The following C4orf50 variants were observed in gnomAD, a reference collection of about 807,000 sequenced individuals.
C4orf50 encodes the protein chromosome 4 open reading frame 50.
In C4orf50, 80 loss-of-function variants were observed where a neutral mutation model predicts 77.2. The observed-to-expected ratio is 1.04, with a 90% CI of 0.87 to 1.25. C4orf50 has a LOEUF of 1.25. C4orf50 is among the 50% of genes most tolerant of loss of function. The pLI, the probability that C4orf50 is intolerant of heterozygous loss-of-function variation, is 0.00. For missense variants in C4orf50, 1,257 were observed against 1,152.9 expected (o/e 1.09, Z -1.31); for synonymous variants, 532 against 465.3 (o/e 1.14, Z -1.84).
exon 28 of C4orf50, chr4:5,990,167 G>A (rs1721180508): frequency 8.0e-7 from 1 of 1,251,792 alleles, no homozygotes. Flanking sequence ...CCCTGTAGAA[G>A]AGGCATCAAA....
downstream of C4orf50, among the ~76,000 whole-genome samples, chr4:5,955,451 C>A (rs530195123): frequency 5.9e-5 from 9 of 152,256 alleles, no homozygotes; most frequent in Non-Finnish European, 8.8e-5. The surrounding 1 kb of genome is among the most constrained non-coding windows in gnomAD (Gnocchi z 5.1). Flanking sequence ...CGGGCACTGG[C>A]CACGTGATAC....
intron 30 of C4orf50, among the ~76,000 whole-genome samples, chr4:5,974,221 C>A (rs1259062217): frequency 6.6e-6 from 1 of 152,208 alleles, no homozygotes; most frequent in African/African-American, 2.4e-5. Context: ...ACGGCGCAGG[C>A]AGGCACCTAC....
chr4:5,971,723 A>G (rs1042105625), intron 31 of C4orf50, among the ~76,000 whole-genome samples: 1 of 152,242 alleles, frequency 6.6e-6, no homozygotes, highest in African/African-American at 2.4e-5. Context: ...TCATCCATTC[A>G]TCAGATACTT....
At chr4:5,948,185 A>C (rs1718561714) in intron 7 of C4orf50, among the ~76,000 whole-genome samples, 1 of 152,250 alleles carries the variant, frequency 6.6e-6, no homozygotes, top group South Asian at 2.1e-4. Flanking sequence ...CTCATACAGC[A>C]CATAAGCTTT....
At chr4:5,930,492 T>C (rs186010671) in intron 7 of C4orf50, among the ~76,000 whole-genome samples, 3 of 152,330 alleles carry the variant, frequency 2.0e-5, no homozygotes, top group Admixed American at 2.0e-4. Flanking sequence ...ATAAAGTTGC[T>C]AGAAGAATCA....
chr4:5,989,779 C>A (rs773377604), exon 28 of C4orf50: 8 of 1,523,712 alleles, frequency 5.3e-6, no homozygotes, highest in Non-Finnish European at 6.1e-6. Flanking sequence ...CATTTCCTTG[C>A]TCTCATGTTC....
At chr4:5,930,395 C>G (rs1443672870) in intron 7 of C4orf50, among the ~76,000 whole-genome samples, 1 of 152,210 alleles carries the variant, frequency 6.6e-6, no homozygotes, top group African/African-American at 2.4e-5. Context: ...ACTTCCTATC[C>G]CCGCAGGCTG....
intron 7 of C4orf50, among the ~76,000 whole-genome samples, chr4:5,917,530 C>G (rs909069351): frequency 6.7e-6 from 1 of 149,614 alleles, no homozygotes; most frequent in African/African-American, 2.4e-5. Context: ...ACTCCTGCCT[C>G]AGCCTCCTGA....
At chr4:5,976,421 G>C (rs1224853613) in intron 29 of C4orf50, among the ~76,000 whole-genome samples, 1 of 143,778 alleles carries the variant, frequency 7.0e-6, no homozygotes, top group Non-Finnish European at 1.5e-5. Context: ...GCGCCACTGC[G>C]CTCCAGCCTG....
chr4:5,930,404 T>C (rs1219025467), intron 7 of C4orf50, among the ~76,000 whole-genome samples: 1 of 152,246 alleles, frequency 6.6e-6, no homozygotes, highest in Non-Finnish European at 1.5e-5. Context: ...CCCCGCAGGC[T>C]GACTCTACCT....
chr4:5,964,455 T>C (rs1282115255), intron 33 of C4orf50, among the ~76,000 whole-genome samples: 1 of 152,098 alleles, frequency 6.6e-6, no homozygotes, highest in Non-Finnish European at 1.5e-5. Flanking sequence ...TTTTCATACA[T>C]GATGTCCAGC....
Position 5,987,065 on chromosome 4 carries a change from C to T in C4orf50, c.3699+1282G>A, listed in dbSNP as rs188936365. On this transcript the variant is annotated intron_variant, in intron 28 of 33. Coordinates refer to ENST00000531445, the Ensembl canonical transcript of C4orf50. Reference sequence around the variant, plus strand: ...GAAAATCAATGACCTAAGTTTTCAACACAAGCAGCAAGAAAAAGAACAGCA... The same window carrying T: ...GAAAATCAATGACCTAAGTTTTCAATACAAGCAGCAAGAAAAAGAACAGCA... Among the ~76,000 whole-genome samples, 148 of 152,098 alleles carry T rather than the reference C, an allele frequency of 9.7e-4. 1 individual carries two copies. Among genetic ancestry groups the T allele is most frequent in the Middle Eastern group, 3.4e-3 (1 of 294 alleles).
At chr4:5,898,381 C>G (rs1411876569) in intron 7 of C4orf50, 1 of 152,206 alleles carries the variant, frequency 6.6e-6, no homozygotes, top group Non-Finnish European at 1.5e-5. Context: ...TGAGGGAAGG[C>G]TCCCAACATC....
chr4:5,953,416 C>T (rs528224971), downstream of C4orf50, among the ~76,000 whole-genome samples: 1 of 152,314 alleles, frequency 6.6e-6, no homozygotes, highest in East Asian at 1.9e-4. Flanking sequence ...ATCCCCACTG[C>T]CTTGAGTCCT....
intron 7 of C4orf50, among the ~76,000 whole-genome samples, chr4:5,937,878 T>C (rs1308820714): frequency 6.6e-6 from 1 of 152,138 alleles, no homozygotes; most frequent in Non-Finnish European, 1.5e-5. Flanking sequence ...CATGGTATAA[T>C]AGAAAAATAC....
At chr4:5,972,816 T>A (rs1216971384) in intron 31 of C4orf50, among the ~76,000 whole-genome samples, 5 of 152,104 alleles carry the variant, frequency 3.3e-5, no homozygotes, top group African/African-American at 9.7e-5. Context: ...TGCTGGCTTG[T>A]CCCCAGGAAC....
chr4:5,938,278 A>T (rs1229507497), intron 7 of C4orf50, among the ~76,000 whole-genome samples: 1 of 152,214 alleles, frequency 6.6e-6, no homozygotes, highest in East Asian at 1.9e-4. Flanking sequence ...AAATACAGAA[A>T]ATCCCACATA....
intron 7 of C4orf50, among the ~76,000 whole-genome samples, chr4:5,921,761 G>C (rs1171788578): frequency 6.6e-6 from 1 of 152,158 alleles, no homozygotes; most frequent in African/African-American, 2.4e-5. Flanking sequence ...GTGGATATAA[G>C]AAGTATTTTT....
intron 28 of C4orf50, among the ~76,000 whole-genome samples, chr4:5,983,394 T>C (rs1392760222): frequency 1.3e-5 from 2 of 152,186 alleles, no homozygotes; most frequent in Non-Finnish European, 2.9e-5. Context: ...CCAGCCACGC[T>C]GACTACTTTC....
Sources: allele counts gnomAD v4.1 joint callset (sites outside exome capture counted in the v4.1 genomes callset), GRCh38; gene constraint gnomAD v4.1.1; non-coding constraint Gnocchi (gnomAD v3.1); transcripts MANE v1.5; gene names NCBI Gene and HGNC (gene_info 2026-07-23, HGNC 2026-07-21).